Variants in FTO observed in about 807,000 individuals in gnomAD.
FTO encodes FTO alpha-ketoglutarate dependent dioxygenase, also known as alpha-ketoglutarate-dependent dioxygenase FTO.
In FTO, 47 loss-of-function variants were observed where a neutral mutation model predicts 63.9. That is an observed-to-expected ratio of 0.74 (90% CI 0.58 to 0.94). The LOEUF is 0.94. Ranked by LOEUF, FTO falls within the 40% of genes least tolerant of loss-of-function variation. The pLI is 0.00. For synonymous variants in FTO, 207 were observed against 224.4 expected (o/e 0.92, Z 0.69); for missense variants, 562 against 618.1 (o/e 0.91, Z 0.96).
chr16:53,718,635 A>C (rs1165045720), intron 1 of FTO, among the ~76,000 whole-genome samples: 5 of 151,958 alleles, frequency 3.3e-5, no homozygotes, highest in Non-Finnish European at 5.9e-5. Flanking sequence ...AGTTGTTGGC[A>C]GTTATCTTTG....
At chr16:53,903,856 A>G (rs979953226) in intron 7 of FTO, among the ~76,000 whole-genome samples, 1 of 152,070 alleles carries the variant, frequency 6.6e-6, no homozygotes, top group Non-Finnish European at 1.5e-5. Flanking sequence ...TTTAAGAGAG[A>G]TGGTCAAATG....
chr16:53,967,921 A>G (rs1291542625), intron 8 of FTO, among the ~76,000 whole-genome samples: 14 of 152,194 alleles, frequency 9.2e-5, no homozygotes, highest in African/African-American at 3.4e-4. Context: ...TGTGGTTTAA[A>G]TATACACTTT....
chr16:54,006,746 C>T (rs111897254), intron 8 of FTO, among the ~76,000 whole-genome samples: 4 of 152,318 alleles, frequency 2.6e-5, no homozygotes, highest in African/African-American at 7.2e-5. Context: ...AGGATAGGCT[C>T]CAAGCCCGCT....
chr16:53,883,243 C>G (rs2080888686), intron 6 of FTO, among the ~76,000 whole-genome samples: 1 of 152,186 alleles, frequency 6.6e-6, no homozygotes, highest in Non-Finnish European at 1.5e-5. Context: ...TCTCTTGTGA[C>G]TGACTGTGAT....
chr16:53,850,874 T>C (rs1194013222), intron 4 of FTO, among the ~76,000 whole-genome samples: 1 of 152,194 alleles, frequency 6.6e-6, no homozygotes, highest in Non-Finnish European at 1.5e-5. Flanking sequence ...CTAAAATACA[T>C]TGAATTATAT....
chr16:53,978,651 G>T (rs1279887426), intron 8 of FTO, among the ~76,000 whole-genome samples: 1 of 152,026 alleles, frequency 6.6e-6, no homozygotes, highest in Non-Finnish European at 1.5e-5. Flanking sequence ...ATTAATAAAG[G>T]CTCATTGTAG....
chr16:53,990,954 A>G (rs1185588895), intron 8 of FTO: 4 of 152,072 alleles, frequency 2.6e-5, no homozygotes, highest in African/African-American at 9.7e-5. Context: ...AGTGCTTTGC[A>G]TACATTTCTA....
intron 6 of FTO, among the ~76,000 whole-genome samples, chr16:53,882,135 A>T (rs933857959): frequency 1.6e-4 from 24 of 152,236 alleles, no homozygotes; most frequent in African/African-American, 5.8e-4. Flanking sequence ...TTCATTCACC[A>T]ATCTGAGACT....
intron 1 of FTO, 74 bp downstream of exon 1, chr16:53,704,303 T>C (rs1365268320): frequency 1.4e-6 from 2 of 1,449,454 alleles, no homozygotes; most frequent in Non-Finnish European, 1.9e-6. Context: ...AGGGCTTGGT[T>C]TGATGGCGAG....
At chr16:53,876,698 G>A (rs529696563) in intron 5 of FTO, among the ~76,000 whole-genome samples, 1 of 152,296 alleles carries the variant, frequency 6.6e-6, no homozygotes, top group South Asian at 2.1e-4. Context: ...AGGCCGAGGT[G>A]AGTGGATCAC....
At chr16:53,936,575 A>T (rs2082395824) in intron 8 of FTO, among the ~76,000 whole-genome samples, 1 of 152,224 alleles carries the variant, frequency 6.6e-6, no homozygotes, top group Non-Finnish European at 1.5e-5. Flanking sequence ...TGCAGTGCTT[A>T]CTAAGCAGCC....
At chr16:53,934,177 C>T in intron 8 of FTO, 68 bp downstream of exon 8, 3 of 1,547,708 alleles carry the variant, frequency 1.9e-6, no homozygotes. Flanking sequence ...CCAAGCCCTT[C>T]CTTATGGCTG....
At chr16:53,782,633 G>GTT (rs2077617111) in intron 1 of FTO, among the ~76,000 whole-genome samples, 1 of 152,164 alleles carries the variant, frequency 6.6e-6, no homozygotes, top group Non-Finnish European at 1.5e-5. Flanking sequence ...TGATTAAGTG[G>GTT]TTTGTCCAAG....
At chr16:53,951,047 A>G (rs1003401908) in intron 8 of FTO, among the ~76,000 whole-genome samples, 1 of 152,244 alleles carries the variant, frequency 6.6e-6, no homozygotes, top group Admixed American at 6.5e-5. Flanking sequence ...TAGTGATAAT[A>G]TATTTGCTGT....
In FTO at chr16:53,748,653, G is replaced by A. The variant is rs575754849; in HGVS notation, c.45+44424G>A. 2.6e-5 allele frequency among the ~76,000 whole-genome samples: 4 copies of A among 152,198 alleles called. No homozygotes were observed. In the South Asian group the frequency reaches 6.2e-4, roughly 24 times the overall value. Reference sequence around the variant, plus strand: ...GTATATTTAGTACAGACAGGGTATCGCCATGTTGGCCAGGCTGGTCTTGAA... The same window carrying A: ...GTATATTTAGTACAGACAGGGTATCACCATGTTGGCCAGGCTGGTCTTGAA... On this transcript the variant is annotated intron_variant, in intron 1 of 8. Transcript: ENST00000471389.
At chr16:54,003,597 C>T (rs774165963) in intron 8 of FTO, among the ~76,000 whole-genome samples, 7 of 152,118 alleles carry the variant, frequency 4.6e-5, no homozygotes, top group African/African-American at 1.2e-4. Context: ...CTCAAGTGAT[C>T]CTCCAGCCTC....
chr16:53,849,376 C>A (rs191644642), intron 4 of FTO, among the ~76,000 whole-genome samples: 24 of 152,266 alleles, frequency 1.6e-4, no homozygotes, highest in Admixed American at 5.9e-4. Context: ...ACCAGTGAGA[C>A]GACTGGGTGA....
intron 1 of FTO, among the ~76,000 whole-genome samples, chr16:53,728,644 T>C (rs541892763): frequency 6.6e-6 from 1 of 152,290 alleles, no homozygotes; most frequent in East Asian, 1.9e-4. Context: ...TAAAGAGTTA[T>C]TTTGGTTGGT....
chr16:53,801,287 G>A (rs377548331), intron 1 of FTO, among the ~76,000 whole-genome samples: 12 of 150,590 alleles, frequency 8.0e-5, no homozygotes, highest in South Asian at 4.2e-4. Context: ...CATCTTTATC[G>A]TATCGGAATC....
Sources: gnomAD v4.1 joint callset for allele counts (sites outside exome capture counted in the v4.1 genomes callset) on GRCh38, gnomAD v4.1.1 for gene constraint, MANE v1.5 for transcripts, NCBI Gene and HGNC (gene_info 2026-07-23, HGNC 2026-07-21) for gene names.